The following SLC9B1 variants were observed in gnomAD, a reference collection of about 807,000 sequenced individuals.
The protein encoded by SLC9B1 is sodium/hydrogen exchanger 9B1.
A neutral mutation model predicts 51.7 loss-of-function variants in SLC9B1; 32 were observed. The observed-to-expected ratio is 0.62, with a 90% CI of 0.47 to 0.83. SLC9B1 has a LOEUF of 0.83. SLC9B1 is among the 40% of genes least tolerant of loss of function. The pLI, the probability that SLC9B1 is intolerant of heterozygous loss-of-function variation, is 0.00. For synonymous variants in SLC9B1, 145 were observed against 212.7 expected (o/e 0.68, Z 2.77); for missense variants, 406 against 613.2 (o/e 0.66, Z 3.57).
chr4:102,944,144 C>T (rs190485765), intron 6 of SLC9B1, among the ~76,000 whole-genome samples: 357 of 152,242 alleles, frequency 2.3e-3, no homozygotes, highest in Non-Finnish European at 4.5e-3. Flanking sequence ...AACCAAATAT[C>T]CCATATTCTT....
At chr4:102,939,172 A>G (rs2110466348) in intron 6 of SLC9B1, among the ~76,000 whole-genome samples, 1 of 151,724 alleles carries the variant, frequency 6.6e-6, no homozygotes, top group Non-Finnish European at 1.5e-5. Flanking sequence ...GAGAAGATCC[A>G]AAAAACACAA....
chr4:103,000,964 G>A (rs911695007), intron 1 of SLC9B1, among the ~76,000 whole-genome samples: 2 of 152,182 alleles, frequency 1.3e-5, no homozygotes, highest in Non-Finnish European at 2.9e-5. Context: ...TCTTCTTGAG[G>A]CTCCACCCCT....
At chr4:103,008,918 G>A (rs920190796) in intron 1 of SLC9B1, among the ~76,000 whole-genome samples, 1 of 149,564 alleles carries the variant, frequency 6.7e-6, no homozygotes, top group Non-Finnish European at 1.5e-5. Flanking sequence ...TCCTGCCTCA[G>A]TCTCCCGAGC....
intron 3 of SLC9B1, chr4:102,962,450 C>A (rs1439173601): frequency 1.9e-6 from 1 of 516,428 alleles, no homozygotes; most frequent in Non-Finnish European, 3.9e-6. Flanking sequence ...CTAGAAAATA[C>A]AGAGCATTTT....
chr4:102,999,399 A>T (rs1740400572), intron 1 of SLC9B1, among the ~76,000 whole-genome samples: 1 of 152,214 alleles, frequency 6.6e-6, no homozygotes, highest in South Asian at 2.1e-4. Context: ...CTTTCCTTCT[A>T]TATTTTCCTT....
At chr4:102,972,273 A>C (rs566576531) in intron 3 of SLC9B1, among the ~76,000 whole-genome samples, 1 of 152,342 alleles carries the variant, frequency 6.6e-6, no homozygotes, top group East Asian at 1.9e-4. Flanking sequence ...CCAGCAGCAC[A>C]TCAAAGAGCT....
chr4:102,976,958 G>A (rs1195335466), intron 3 of SLC9B1, among the ~76,000 whole-genome samples: 2 of 152,092 alleles, frequency 1.3e-5, no homozygotes, highest in African/African-American at 2.4e-5. Context: ...AGACCAGCCT[G>A]GGAAACTCAG....
At chr4:102,895,880 T>G (rs2110415417) in intron 11 of SLC9B1, among the ~76,000 whole-genome samples, 1 of 152,350 alleles carries the variant, frequency 6.6e-6, no homozygotes, top group East Asian at 1.9e-4. Flanking sequence ...GAGACAAGGA[T>G]GGCCTCTGTG....
intron 1 of SLC9B1, among the ~76,000 whole-genome samples, chr4:103,002,489 A>C (rs1157651805): frequency 2.6e-5 from 4 of 152,268 alleles, no homozygotes; most frequent in African/African-American, 4.8e-5. Flanking sequence ...TGATCTACCA[A>C]GAAAAGAGAA....
At chr4:102,957,074 G>A (rs1272771927) in intron 3 of SLC9B1, among the ~76,000 whole-genome samples, 1 of 152,080 alleles carries the variant, frequency 6.6e-6, no homozygotes, top group African/African-American at 2.4e-5. Context: ...TTGACCTTGT[G>A]AAAGAAAGTA....
intron 1 of SLC9B1, among the ~76,000 whole-genome samples, chr4:102,993,416 G>A (rs1034485208): frequency 1.3e-5 from 2 of 152,328 alleles, no homozygotes; most frequent in African/African-American, 4.8e-5. Context: ...TCCAGGTCAC[G>A]CTGATGCAAG....
At chr4:102,919,860 G>C (rs150514149) in intron 7 of SLC9B1, among the ~76,000 whole-genome samples, 3 of 152,216 alleles carry the variant, frequency 2.0e-5, no homozygotes, top group African/African-American at 4.8e-5. Context: ...GGGGAGGGCC[G>C]TCCACCATTG....
chr4:102,916,001 T>A (rs1485649462), intron 7 of SLC9B1, among the ~76,000 whole-genome samples: 2 of 151,462 alleles, frequency 1.3e-5, no homozygotes, highest in Non-Finnish European at 2.9e-5. Context: ...CAGTGAAACA[T>A]AAAGGGAGGC....
intron 7 of SLC9B1, among the ~76,000 whole-genome samples, chr4:102,918,801 T>A (rs1735715566): frequency 6.6e-6 from 1 of 152,192 alleles, no homozygotes; most frequent in African/African-American, 2.4e-5. Context: ...ACGCAAGAAA[T>A]AAATTTCTGT....
intron 7 of SLC9B1, among the ~76,000 whole-genome samples, chr4:102,923,292 G>A (rs6853233): frequency 0.55 from 83,159 of 151,302 alleles, 23,332 homozygotes; most frequent in African/African-American, 0.68. Flanking sequence ...CATCATATAA[G>A]CAGAACCAAA....
At chr4:102,911,369 A>G (rs1170046870) in intron 8 of SLC9B1, 62 bp downstream of exon 8, 2 of 1,178,826 alleles carry the variant, frequency 1.7e-6, no homozygotes, top group Non-Finnish European at 2.4e-6. Context: ...ACCTTACCAA[A>G]GTTTAATATT....
intron 1 of SLC9B1, among the ~76,000 whole-genome samples, chr4:103,002,142 C>T (rs1449992062): frequency 6.6e-6 from 1 of 152,172 alleles, no homozygotes; most frequent in East Asian, 1.9e-4. Context: ...AGGTCTCTCC[C>T]TCAACACGTG....
chr4:102,996,656 T>C (rs1740237163), intron 1 of SLC9B1, among the ~76,000 whole-genome samples: 1 of 152,208 alleles, frequency 6.6e-6, no homozygotes, highest in Non-Finnish European at 1.5e-5. Context: ...AAAAATATCA[T>C]CCTCTATACA....
At chr4:102,988,658 G>C (rs2110516730) in intron 3 of SLC9B1, among the ~76,000 whole-genome samples, 1 of 152,124 alleles carries the variant, frequency 6.6e-6, no homozygotes, top group East Asian at 1.9e-4. Flanking sequence ...GGGACAAACA[G>C]AGAGAGATTG....
Sources: gnomAD v4.1 joint callset for allele counts (sites outside exome capture counted in the v4.1 genomes callset) on GRCh38, gnomAD v4.1.1 for gene constraint, MANE v1.5 for transcripts, NCBI Gene and HGNC (gene_info 2026-07-23, HGNC 2026-07-21) for gene names.